Variants in TENM4 observed in about 807,000 individuals in gnomAD.
TENM4 encodes teneurin transmembrane protein 4, also known as teneurin-4.
Under a neutral mutation model 243.3 loss-of-function variants are expected in TENM4, and 82 were observed. The ratio of observed to expected loss-of-function variants is 0.34; its 90% confidence interval spans 0.28 to 0.40. The LOEUF (loss-of-function observed/expected upper bound fraction) is 0.40. TENM4 is among the 10% of genes least tolerant of loss of function. The probability of loss-of-function intolerance (pLI) is 1.00; values close to 1 mark genes in which losing one functional copy is unlikely to be tolerated. For synonymous variants in TENM4, 1,412 were observed against 1,456.3 expected (o/e 0.97, Z 0.69); for missense variants, 3,138 against 3,673.3 (o/e 0.85, Z 3.77).
chr11:79,243,102 T>G (rs1253577707), intron 2 of TENM4, among the ~76,000 whole-genome samples: 1 of 152,148 alleles, frequency 6.6e-6, no homozygotes, highest in Non-Finnish European at 1.5e-5. Context: ...GCTCCACTTT[T>G]GTTCCTGGCT....
intron 3 of TENM4, among the ~76,000 whole-genome samples, chr11:79,180,537 A>G (rs1453212985): frequency 1.3e-5 from 2 of 151,802 alleles, no homozygotes; most frequent in African/African-American, 4.8e-5. Flanking sequence ...AGTGAGAACA[A>G]TACCGCGCAC....
rs537896571 is a variant in TENM4, at chr11:78,657,351, A to G, written c.*707T>C. ...CAGCATGGGGGTGGCACCGACAACT[A>G]CACAGGATTTGCAAAAGTGGTAGGG... On this transcript the variant is annotated 3_prime_UTR_variant, in exon 34 of 34. Transcript: ENST00000278550. 4.4e-4 allele frequency: 177 copies of G among 398,170 alleles called. No homozygotes were observed. The highest frequency in any genetic ancestry group is 7.1e-4 in the South Asian group (5 of 7,034). 24.7% of individuals were successfully genotyped at this position (398,170 alleles called of 1,614,324 possible). A position where few individuals can be genotyped will look rare whatever the true frequency, so the allele number is the denominator to read the frequency against.
At chr11:78,829,981 G>C (rs1454875648) in intron 12 of TENM4, among the ~76,000 whole-genome samples, 1 of 152,138 alleles carries the variant, frequency 6.6e-6, no homozygotes, top group Non-Finnish European at 1.5e-5. Flanking sequence ...CACAGTACTG[G>C]CTTATATCAT....
intron 2 of TENM4, among the ~76,000 whole-genome samples, chr11:79,245,010 C>T (rs919340006): frequency 3.3e-5 from 5 of 152,168 alleles, no homozygotes; most frequent in African/African-American, 1.2e-4. Context: ...TTGATTTCTC[C>T]AGGAAGAATG....
chr11:78,868,109 G>T (rs917339364), intron 9 of TENM4, among the ~76,000 whole-genome samples: 1 of 144,118 alleles, frequency 6.9e-6, no homozygotes. Flanking sequence ...AAATATAAAC[G>T]GTTCTCCCCA....
chr11:78,702,819 C>T (rs12291297), intron 27 of TENM4, among the ~76,000 whole-genome samples: 55,139 of 151,998 alleles, frequency 0.36, 11,396 homozygotes, highest in African/African-American at 0.57. Context: ...CCATAACCCA[C>T]CAAATAATGG....
intron 32 of TENM4, among the ~76,000 whole-genome samples, chr11:78,668,199 T>A (rs1858209179): frequency 6.6e-6 from 1 of 152,236 alleles, no homozygotes; most frequent in African/African-American, 2.4e-5. Context: ...ATTCTTTTTT[T>A]TCCCTCTTTT....
At chr11:79,222,906 G>A (rs143780262) in intron 2 of TENM4, among the ~76,000 whole-genome samples, 24 of 152,156 alleles carry the variant, frequency 1.6e-4, no homozygotes, top group African/African-American at 5.1e-4. Context: ...TTAGGCCTTT[G>A]TCAGATGGGT....
At chr11:79,009,390 C>G (rs1206202508) in intron 6 of TENM4, among the ~76,000 whole-genome samples, 2 of 152,130 alleles carry the variant, frequency 1.3e-5, no homozygotes, top group Non-Finnish European at 2.9e-5. Context: ...GAGCCTCACC[C>G]CATGTGCCCA....
At chr11:79,424,325 G>T (rs985193443) in intron 1 of TENM4, among the ~76,000 whole-genome samples, 7 of 152,192 alleles carry the variant, frequency 4.6e-5, no homozygotes, top group African/African-American at 1.7e-4. Flanking sequence ...AGTTGGCCAG[G>T]TGCAGTAGCT....
At chr11:78,860,846 T>C (rs1237899227) in intron 10 of TENM4, among the ~76,000 whole-genome samples, 2 of 152,220 alleles carry the variant, frequency 1.3e-5, no homozygotes, top group East Asian at 3.8e-4. Context: ...TAAGCAAAAA[T>C]ACTCCAATTA....
At chr11:79,153,819 C>T (rs866353817) in intron 3 of TENM4, among the ~76,000 whole-genome samples, 2 of 152,098 alleles carry the variant, frequency 1.3e-5, no homozygotes, top group South Asian at 2.1e-4. Flanking sequence ...CTCTCTGATT[C>T]TTCAACCAGC....
intron 1 of TENM4, among the ~76,000 whole-genome samples, chr11:79,371,859 G>C (rs1160056921): frequency 1.3e-5 from 2 of 152,130 alleles, no homozygotes; most frequent in Non-Finnish European, 2.9e-5. Flanking sequence ...TTTACTTCCT[G>C]AGCTCAGAGC....
At chr11:79,313,118 A>T (rs951461515) in intron 1 of TENM4, among the ~76,000 whole-genome samples, 1 of 152,230 alleles carries the variant, frequency 6.6e-6, no homozygotes, top group Non-Finnish European at 1.5e-5. Context: ...CTCCGACTTC[A>T]GTTGTTTTTA....
chr11:78,758,589 C>T (rs1231276290), intron 18 of TENM4, among the ~76,000 whole-genome samples: 1 of 152,230 alleles, frequency 6.6e-6, no homozygotes, highest in East Asian at 1.9e-4. Context: ...AATACAGAAG[C>T]TGCCCACCAA....
chr11:79,139,806 A>AAATATAT, intron 4 of TENM4, among the ~76,000 whole-genome samples: 1 of 121,754 alleles, frequency 8.2e-6, no homozygotes, highest in African/African-American at 3.2e-5. Flanking sequence ...TAAATATATA[A>AAATATAT]TATATATTTT....
chr11:78,898,062 A>C (rs1039526487), intron 7 of TENM4, among the ~76,000 whole-genome samples: 5 of 152,210 alleles, frequency 3.3e-5, no homozygotes, highest in Non-Finnish European at 2.9e-5. Flanking sequence ...AGTGCAAAAG[A>C]AGTGGATCAG....
chr11:79,147,736 G>A (rs1251154045), intron 4 of TENM4, among the ~76,000 whole-genome samples: 1 of 151,964 alleles, frequency 6.6e-6, no homozygotes, highest in African/African-American at 2.4e-5. Flanking sequence ...ACATCCTCAC[G>A]CAACCCTTTG....
At chr11:79,336,157 A>C (rs1223450340) in intron 1 of TENM4, among the ~76,000 whole-genome samples, 2 of 151,418 alleles carry the variant, frequency 1.3e-5, no homozygotes, top group African/African-American at 4.9e-5. Context: ...TAATCTTTGA[A>C]TATTTTCCCC....
Sources: gnomAD v4.1 joint callset for allele counts (sites outside exome capture counted in the v4.1 genomes callset) on GRCh38, gnomAD v4.1.1 for gene constraint, MANE v1.5 for transcripts, NCBI Gene and HGNC (gene_info 2026-07-23, HGNC 2026-07-21) for gene names.